ATG16L1: variants seen among roughly 807,000 people sequenced by gnomAD.
ATG16L1 encodes autophagy related 16 like 1, also known as autophagy-related protein 16-1.
A neutral mutation model predicts 88.5 loss-of-function variants in ATG16L1; 37 were observed. That is an observed-to-expected ratio of 0.42 (90% CI 0.32 to 0.55). The LOEUF (loss-of-function observed/expected upper bound fraction) is 0.55, where lower values mean the gene tolerates loss of function less well. ATG16L1 is among the 20% of genes least tolerant of loss of function. ATG16L1 has a pLI of 0.13. For missense variants in ATG16L1, 554 were observed against 752.8 expected, an observed-to-expected ratio of 0.74 and a Z score of 3.09; for synonymous variants, 301 against 281.0, an observed-to-expected ratio of 1.07 and a Z score of -0.71.
At chr2:233,256,948 T>C (rs1696827055) in intron 2 of ATG16L1, among the ~76,000 whole-genome samples, 1 of 152,176 alleles carries the variant, frequency 6.6e-6, no homozygotes, top group Non-Finnish European at 1.5e-5. Flanking sequence ...ATGATCCACC[T>C]ACCTCAGCTT....
chr2:233,274,125 C>A, intron 8 of ATG16L1: 2 of 1,360,086 alleles, frequency 1.5e-6, no homozygotes, highest in South Asian at 1.3e-5. Flanking sequence ...TGCCCTCAGT[C>A]ATCAGATGTT....
At chr2:233,294,018 C>T (rs1233031334) in intron 17 of ATG16L1, among the ~76,000 whole-genome samples, 1 of 152,188 alleles carries the variant, frequency 6.6e-6, no homozygotes, top group Non-Finnish European at 1.5e-5. Flanking sequence ...GGCCTGACTG[C>T]CAGAGGGGCC....
chr2:233,290,041 C>T (rs1186113718), intron 13 of ATG16L1, 67 bp downstream of exon 13: 21 of 1,594,270 alleles, frequency 1.3e-5, no homozygotes, highest in Middle Eastern at 1.7e-4. Context: ...TGTGTTTGCA[C>T]GTCAGAGCCT....
intron 12 of ATG16L1, among the ~76,000 whole-genome samples, chr2:233,285,353 C>A (rs2125281754): frequency 6.6e-6 from 1 of 152,200 alleles, no homozygotes; most frequent in South Asian, 2.1e-4. Flanking sequence ...TAGAGGAGTC[C>A]TATACAGGTG....
At chr2:233,265,186 A>G in intron 5 of ATG16L1, 43 bp downstream of exon 5, 1 of 1,601,534 alleles carries the variant, frequency 6.2e-7, no homozygotes, top group Non-Finnish European at 8.5e-7. Context: ...TCCTTAGTAG[A>G]GTAGAACCTA....
intron 1 of ATG16L1, among the ~76,000 whole-genome samples, chr2:233,252,189 G>A: frequency 6.6e-6 from 1 of 152,254 alleles, no homozygotes; most frequent in East Asian, 1.9e-4. Flanking sequence ...GTTTGTATTT[G>A]TAAATCCCAG....
chr2:233,268,401 G>A (rs1284342450), intron 5 of ATG16L1, among the ~76,000 whole-genome samples: 2 of 152,258 alleles, frequency 1.3e-5, no homozygotes, highest in Non-Finnish European at 2.9e-5. Context: ...GGAGATTGCA[G>A]TGAGCCGAGA....
chr2:233,281,465 G>A (rs554374275), intron 11 of ATG16L1, among the ~76,000 whole-genome samples: 65 of 152,248 alleles, frequency 4.3e-4, no homozygotes, highest in African/African-American at 1.5e-3. Context: ...AGGGGCCAGC[G>A]TGGTCTCTAC....
intron 12 of ATG16L1, among the ~76,000 whole-genome samples, chr2:233,286,954 C>T (rs969883541): frequency 2.0e-5 from 3 of 151,982 alleles, no homozygotes; most frequent in Non-Finnish European, 4.4e-5. Flanking sequence ...AGCAAGGTGA[C>T]AATACGTACG....
In ATG16L1 at chr2:233,294,361, A is replaced by G; in HGVS notation, c.*11A>G. ...TGGGCACAGTACTGACGGGGCTCTCAGGGCTGGGAGGACCCCAGTGCCCTC... is the reference window on the plus strand; with the variant it reads ...TGGGCACAGTACTGACGGGGCTCTCGGGGCTGGGAGGACCCCAGTGCCCTC... On this transcript the variant is annotated 3_prime_UTR_variant, in exon 18 of 18. Coordinates refer to ENST00000392017, the MANE Select transcript of ATG16L1 (RefSeq NM_030803.7). 1.2e-6 allele frequency: 2 copies of G among 1,609,716 alleles called. No homozygotes were observed. Among genetic ancestry groups the G allele is most frequent in the Non-Finnish European group, 1.7e-6 (2 of 1,176,962 alleles).
At chr2:233,264,503 G>A (rs1229000955) in intron 4 of ATG16L1, among the ~76,000 whole-genome samples, 2 of 152,196 alleles carry the variant, frequency 1.3e-5, no homozygotes, top group Non-Finnish European at 2.9e-5. Context: ...CTGAGACCTT[G>A]GAGCTGGGGT....
intron 12 of ATG16L1, chr2:233,288,892 G>A (rs527487018): frequency 5.8e-6 from 3 of 519,062 alleles, no homozygotes; most frequent in Non-Finnish European, 1.2e-5. Flanking sequence ...TTTGATTGTT[G>A]GGAGTGCTGG....
rs1553608374 is a variant in ATG16L1 at position 233,286,643 on chromosome 2, T to TTTTTTG, written c.1204-3211_1204-3210insTTTTTG. The stretch of plus-strand genomic sequence containing the variant: ...AAACTTTTTTTTTTTTTTTTTTTTT[T>TTTTTTG]GAGACAGTGTCTCGCTCAGTCACCC... On this transcript the variant is annotated intron_variant, in intron 12 of 17. Transcript: ENST00000392017. Among the ~76,000 whole-genome samples, 971 of 138,760 alleles carry TTTTTTG rather than the reference T, an allele frequency of 7.0e-3. 25 individuals carry two copies. The highest frequency in any genetic ancestry group is 0.026 in the African/African-American group (937 of 35,634). 91.0% of individuals were successfully genotyped at this position (138,760 alleles called of 152,430 possible).
At chr2:233,254,716 G>C (rs1355660976) in intron 1 of ATG16L1, among the ~76,000 whole-genome samples, 1 of 152,180 alleles carries the variant, frequency 6.6e-6, no homozygotes. Flanking sequence ...AATTTCCCAG[G>C]TTGAAACCAA....
intron 5 of ATG16L1, among the ~76,000 whole-genome samples, chr2:233,268,183 C>T (rs544229825): frequency 6.6e-6 from 1 of 152,160 alleles, no homozygotes; most frequent in Non-Finnish European, 1.5e-5. Context: ...GGGCTGGGCA[C>T]GGTGGCTGCT....
intron 9 of ATG16L1, chr2:233,277,220 C>G (rs1352831213): frequency 5.5e-6 from 1 of 180,826 alleles, no homozygotes; most frequent in Non-Finnish European, 1.2e-5. Context: ...TTAACTCAGT[C>G]TGGACCAAAA....
chr2:233,252,603 G>T (rs1441746978), intron 1 of ATG16L1, among the ~76,000 whole-genome samples: 2 of 151,812 alleles, frequency 1.3e-5, no homozygotes, highest in Non-Finnish European at 2.9e-5. Context: ...TCCCAGGCTG[G>T]TCTCCAACTC....
chr2:233,251,950 G>A lies in ATG16L1; in HGVS notation c.115+8G>A, dbSNP rs1393934992. 2 of 1,535,978 alleles carry A rather than the reference G, an allele frequency of 1.3e-6. No individual in the cohort carries two copies. Among genetic ancestry groups the A allele is most frequent in the African/African-American group, 1.4e-5 (1 of 71,434 alleles). The stretch of plus-strand genomic sequence containing the variant: ...AGGAGATCATCCTGCAGTGTGAGCG[G>A]CGCCGGTGCGGGCTGGGAGTGGGGC... On this transcript the variant is annotated splice_region_variant and intron_variant, in intron 1 of 17. Transcript: ENST00000392017.
At chr2:233,266,794 C>G (rs1005940560) in intron 5 of ATG16L1, among the ~76,000 whole-genome samples, 2 of 152,082 alleles carry the variant, frequency 1.3e-5, no homozygotes, top group Non-Finnish European at 2.9e-5. Context: ...GAATATTATT[C>G]GCTATAAAAA....
Sources: gnomAD v4.1 joint callset for allele counts (sites outside exome capture counted in the v4.1 genomes callset) on GRCh38, gnomAD v4.1.1 for gene constraint, MANE v1.5 for transcripts, NCBI Gene and HGNC (gene_info 2026-07-23, HGNC 2026-07-21) for gene names.